The following ZNF789 variants were observed in gnomAD, a reference collection of about 807,000 sequenced individuals.
ZNF789 encodes the protein zinc finger protein 789.
In ZNF789, 11 loss-of-function variants were observed where a neutral mutation model predicts 15.6. The observed-to-expected ratio is 0.70, with a 90% CI of 0.44 to 1.16. ZNF789 has a LOEUF of 1.16. Among genes scored for constraint, ZNF789 ranks in the 50% most tolerant of loss-of-function variants. ZNF789 has a pLI of 0.00. For missense variants in ZNF789, 461 were observed against 512.6 expected (o/e 0.90, Z 0.97); for synonymous variants, 159 against 176.0 (o/e 0.90, Z 0.76).
At chr7:99,479,884 T>G in intron 3 of ZNF789, 97 bp downstream of exon 3, 4 of 1,462,340 alleles carry the variant, frequency 2.7e-6, no homozygotes, top group Non-Finnish European at 3.6e-6. Context: ...GAAAAAGCGG[T>G]GAAAACCGAA....
rs778433205 is a variant in ZNF789 at position 99,487,478 on chromosome 7, T to G, written c.1268T>G (p.Ile423Arg). 6.2e-7 allele frequency: 1 copy of G among 1,610,032 alleles called. No individual in the cohort carries two copies. The highest frequency in any genetic ancestry group is 8.5e-7 in the Non-Finnish European group (1 of 1,177,520). Reference protein sequence around the residue: ...IKHQGTHKGQIST With the variant: ...IKHQGTHKGQRST The stretch of plus-strand genomic sequence containing the variant: ...CACCAGGGCACTCACAAAGGACAGA[T>G]ATCCACATGATGTTAATTGGAAAGC... The change falls in exon 5 of 5, where the codon ATA (isoleucine) becomes AGA (arginine). Residue 423 changes from isoleucine to arginine, a missense_variant. By Grantham distance (97) the Ile-to-Arg change is moderately conservative (BLOSUM62 -3). Transcript: ENST00000331410.
At chr7:99,478,622 T>G (rs1799457003) in intron 2 of ZNF789, 1 of 345,548 alleles carries the variant, frequency 2.9e-6, no homozygotes, top group South Asian at 2.1e-5. Context: ...GCTGGGCCCC[T>G]TTGCCCAGAG....
At position 99,487,331 on chromosome 7, in the gene ZNF789, G is replaced by C; in HGVS notation, c.1121G>C (p.Cys374Ser). ...TKEEFFQCGE[C>S]GKTFSFKRNL... ...GAGGAATTCTTTCAATGTGGAGAAT[G>C]TGGGAAAACGTTTAGTTTTAAGAGG... is the stretch of plus-strand genomic sequence containing the variant. Residue 374 changes from cysteine (C) to serine (S), a missense_variant, in exon 5 of 5, where the codon TGT becomes TCT. Coordinates refer to ENST00000331410, the MANE Select transcript of ZNF789 (RefSeq NM_213603.3). 3 of 1,614,254 alleles carry C rather than the reference G, an allele frequency of 1.9e-6. No individual in the cohort carries two copies. The highest frequency in any genetic ancestry group is 1.3e-5 in the African/African-American group (1 of 75,064).
At chr7:99,474,393 G>GACCATCC (rs1437589270) in intron 1 of ZNF789, among the ~76,000 whole-genome samples, 1 of 152,164 alleles carries the variant, frequency 6.6e-6, no homozygotes, top group East Asian at 1.9e-4. Flanking sequence ...AGGAGATCAA[G>GACCATCC]ACCATCCTGG....
intron 3 of ZNF789, 130 bp from the exon 4 acceptor site, chr7:99,483,900 A>G (rs1402010139): frequency 4.9e-6 from 4 of 817,058 alleles, no homozygotes; most frequent in Non-Finnish European, 8.8e-6. Flanking sequence ...AGATATTTAC[A>G]AAGATTGTGC....
chr7:99,482,684 G>A (rs182454755), intron 3 of ZNF789, among the ~76,000 whole-genome samples: 18 of 151,630 alleles, frequency 1.2e-4, no homozygotes, highest in African/African-American at 3.9e-4. Flanking sequence ...GAGAAACCCT[G>A]TCTCTACTAA....
intron 4 of ZNF789, among the ~76,000 whole-genome samples, chr7:99,486,043 T>C (rs1456822015): frequency 6.6e-6 from 1 of 152,144 alleles, no homozygotes; most frequent in East Asian, 1.9e-4. Context: ...TTGGGCTGGG[T>C]GCGGTGGCTC....
At chr7:99,483,762 A>G (rs767114941) in intron 3 of ZNF789, 10 of 780,950 alleles carry the variant, frequency 1.3e-5, no homozygotes, top group African/African-American at 1.0e-4. Context: ...TGATGCTGCA[A>G]TACCACTGTG....
intron 1 of ZNF789, 153 bp from the exon 2 acceptor site, chr7:99,476,250 G>A (rs1236120888): frequency 2.4e-5 from 13 of 551,724 alleles, no homozygotes; most frequent in East Asian, 2.0e-4. Context: ...TTATTGTAGC[G>A]GCTCATGCAT....
chr7:99,483,279 G>T (rs1349334323), intron 3 of ZNF789, among the ~76,000 whole-genome samples: 1 of 151,840 alleles, frequency 6.6e-6, no homozygotes, highest in East Asian at 1.9e-4. Context: ...TTAGCCGGGT[G>T]GGGGCGACAG....
intron 4 of ZNF789, 76 bp from the exon 5 acceptor site, chr7:99,486,400 C>T (rs1287313745): frequency 2.9e-6 from 4 of 1,365,724 alleles, no homozygotes; most frequent in Non-Finnish European, 4.0e-6. Context: ...TCCTAGACCC[C>T]TAACAGTTGC....
At chr7:99,473,412 T>C (rs1799128384) in intron 1 of ZNF789, among the ~76,000 whole-genome samples, 1 of 152,190 alleles carries the variant, frequency 6.6e-6, no homozygotes, top group African/African-American at 2.4e-5. Context: ...GAGGAACAGC[T>C]GGCAAATTGT....
intron 4 of ZNF789, among the ~76,000 whole-genome samples, chr7:99,486,116 G>A (rs1200152055): frequency 6.6e-6 from 1 of 152,118 alleles, no homozygotes; most frequent in African/African-American, 2.4e-5. Flanking sequence ...TCAGGGGTTC[G>A]AGACCAGCCT....
intron 2 of ZNF789, among the ~76,000 whole-genome samples, chr7:99,478,103 T>C (rs988168067): frequency 3.1e-4 from 47 of 152,210 alleles, no homozygotes; most frequent in Non-Finnish European, 6.9e-4. Context: ...CCGTTTTTTT[T>C]CCATCAGTGT....
At chr7:99,485,857 C>T (rs980485757) in intron 4 of ZNF789, among the ~76,000 whole-genome samples, 39 of 152,224 alleles carry the variant, frequency 2.6e-4, no homozygotes, top group African/African-American at 9.4e-4. Context: ...CATGCTACCT[C>T]TTTGATATTT....
intron 3 of ZNF789, chr7:99,481,935 CA>C (rs1799652929): frequency 2.1e-6 from 1 of 486,708 alleles, no homozygotes; most frequent in Non-Finnish European, 3.6e-6. Flanking sequence ...TACTTTTTCC[CA>C]GTCCGTCTAT....
rs1009366149 is a variant in ZNF789, at chr7:99,478,591, G to A, written c.25-1070G>A. ...TGAACCCATGCAGTGTCTTGTGAGA[G>A]CAAGGAGTGTGTAGACAGCCGCTGG... On this transcript the variant is annotated intron_variant, in intron 2 of 4. Coordinates refer to ENST00000331410, the MANE Select transcript of ZNF789 (RefSeq NM_213603.3). 7.2e-5 allele frequency: 26 copies of A among 363,384 alleles called. 1 individual carries two copies. The highest frequency in any genetic ancestry group is 7.1e-4 in the Admixed American group (21 of 29,690). 22.5% of individuals were successfully genotyped at this position (363,384 alleles called of 1,614,324 possible). A position where few individuals can be genotyped will look rare whatever the true frequency, so the allele number is the denominator to read the frequency against.
At chr7:99,486,420 C>CT in intron 4 of ZNF789, 56 bp from the exon 5 acceptor site, 5 of 1,503,908 alleles carry the variant, frequency 3.3e-6, no homozygotes, top group Non-Finnish European at 4.5e-6. Context: ...CCTTCTCTTC[C>CT]TTTTTTTCTT....
intron 4 of ZNF789, 80 bp from the exon 5 acceptor site, chr7:99,486,396 A>AC (rs1473680017): frequency 4.6e-6 from 6 of 1,295,666 alleles, no homozygotes; most frequent in Non-Finnish European, 6.3e-6. Context: ...ATTGTCCTAG[A>AC]CCCCTAACAG....
Sources: gnomAD v4.1 joint callset for allele counts (sites outside exome capture counted in the v4.1 genomes callset) on GRCh38, gnomAD v4.1.1 for gene constraint, MANE v1.5 for transcripts, NCBI Gene and HGNC (gene_info 2026-07-23, HGNC 2026-07-21) for gene names.